Variants in ZNF462 observed in about 807,000 individuals in gnomAD.
ZNF462 encodes the protein zinc finger protein 462.
In ZNF462, 10 loss-of-function variants were observed where a neutral mutation model predicts 201.9. That is an observed-to-expected ratio of 0.05 (90% confidence interval 0.03 to 0.08). The LOEUF is 0.08. Ranked by LOEUF, ZNF462 falls within the 10% of genes least tolerant of loss-of-function variation. The pLI is 1.00. For missense variants in ZNF462, 2,523 were observed against 3,168.3 expected (o/e 0.80, Z 4.89); for synonymous variants, 1,227 against 1,193.3 (o/e 1.03, Z -0.58).
intron 7 of ZNF462, among the ~76,000 whole-genome samples, chr9:106,960,938 T>C (rs1327014456): frequency 6.6e-6 from 1 of 152,130 alleles, no homozygotes; most frequent in Non-Finnish European, 1.5e-5. Flanking sequence ...ATAGTCTGTA[T>C]GCTACATATC....
rs867276221 is a variant in ZNF462 at position 106,876,915 on chromosome 9, G to A, written c.-31+13560G>A. On this transcript the variant is annotated intron_variant, in intron 1 of 12. Coordinates refer to ENST00000277225, the MANE Select transcript of ZNF462 (RefSeq NM_021224.6). The surrounding 1 kb of genome is among the most constrained non-coding windows in gnomAD (Gnocchi z 4.9). Reference sequence around the variant, plus strand: ...ATACATATCTCTTAGCCAGTTTGAGGACTGCCCCATAGCCTGGCTTAGAAA... The same window carrying A: ...ATACATATCTCTTAGCCAGTTTGAGAACTGCCCCATAGCCTGGCTTAGAAA... 9.2e-5 allele frequency among the ~76,000 whole-genome samples: 14 copies of A among 152,146 alleles called. No homozygotes were observed. Among genetic ancestry groups the A allele is most frequent in the African/African-American group, 3.1e-4 (13 of 41,410 alleles).
In ZNF462 at chr9:106,872,551, C is replaced by T. The variant is rs1249860522; in HGVS notation, c.-31+9196C>T. Among the ~76,000 whole-genome samples, 4 of 151,942 alleles carry T rather than the reference C, an allele frequency of 2.6e-5. No individual in the cohort carries two copies. The highest frequency in any genetic ancestry group is 1.3e-4 in the Admixed American group (2 of 15,240). The stretch of plus-strand genomic sequence containing the variant: ...CTAATTTCTTGTATTTTAGTAGAGA[C>T]GGGGTTTCACTGTGTTGTCCAGGCT... On this transcript the variant is annotated intron_variant, in intron 1 of 12. Coordinates refer to ENST00000277225, the MANE Select transcript of ZNF462 (RefSeq NM_021224.6). The surrounding 1 kb of genome is among the most constrained non-coding windows in gnomAD (Gnocchi z 4.5).
Position 106,972,609 on chromosome 9 carries a change from G to GA in ZNF462, c.6695+345dup, listed in dbSNP as rs897621167. Among the ~76,000 whole-genome samples, 15 of 151,484 alleles carry GA rather than the reference G, an allele frequency of 9.9e-5. No homozygotes were observed. The highest frequency in any genetic ancestry group is 2.9e-4 in the African/African-American group (12 of 41,196). On this transcript the variant is annotated intron_variant, in intron 8 of 12. Transcript: ENST00000277225. This position sits in a 1 kb window ranked among gnomAD's most constrained non-coding sequence, Gnocchi z 4.8. ...GTCTCCTCTCCTTTTTTTAGCTTTG[G>GA]AAAAAAAAGTATGTTCTTGGAAGCA...
intron 7 of ZNF462, among the ~76,000 whole-genome samples, chr9:106,961,909 A>T (rs1010655104): frequency 7.2e-5 from 11 of 152,056 alleles, no homozygotes. Flanking sequence ...GCAAGAATAT[A>T]CAACAATGCA....
rs934481900 is a variant in ZNF462 at position 106,979,559 on chromosome 9, G to C, written c.6833-4627G>C. 7.3e-5 allele frequency: 11 copies of C among 151,490 alleles called. 1 individual carries two copies. The highest frequency in any genetic ancestry group is 2.7e-4 in the African/African-American group (11 of 40,810). 9.4% of individuals were successfully genotyped at this position (151,490 alleles called of 1,614,324 possible). A position where few individuals can be genotyped will look rare whatever the true frequency, so the allele number is the denominator to read the frequency against. ...GGCCTTTTTTTCTTTTGACATCTTGGGCAGCTGGAGGAGAAAGCTCTAGCA... is the reference window on the plus strand; with the variant it reads ...GGCCTTTTTTTCTTTTGACATCTTGCGCAGCTGGAGGAGAAAGCTCTAGCA... On this transcript the variant is annotated intron_variant, in intron 9 of 12. Transcript: ENST00000277225.
At chr9:106,898,150 G>A (rs1430169110) in intron 1 of ZNF462, among the ~76,000 whole-genome samples, 1 of 152,158 alleles carries the variant, frequency 6.6e-6, no homozygotes, top group African/African-American at 2.4e-5. Flanking sequence ...ATAACATTTG[G>A]AGGAAGAACT....
At position 106,869,924 on chromosome 9, in the gene ZNF462, T is replaced by C. The variant is rs570657116; in HGVS notation, c.-31+6569T>C. 1.3e-4 allele frequency among the ~76,000 whole-genome samples: 20 copies of C among 152,266 alleles called. No homozygotes were observed. In the East Asian group the frequency reaches 2.3e-3, roughly 18 times the overall value. On this transcript the variant is annotated intron_variant, in intron 1 of 12. Transcript: ENST00000277225. Reference sequence around the variant, plus strand: ...AGGAAGCTCTTTTGGATTTTTTTTTTCCCCTTGAACTTTGCATTTGGAGAA... The same window carrying C: ...AGGAAGCTCTTTTGGATTTTTTTTTCCCCCTTGAACTTTGCATTTGGAGAA...
rs975604307 is a variant in ZNF462, at chr9:107,006,176, C to T, written c.7189+2750C>T. On this transcript the variant is annotated intron_variant, in intron 11 of 12. Coordinates refer to ENST00000277225, the MANE Select transcript of ZNF462 (RefSeq NM_021224.6). The surrounding 1 kb of genome is among the most constrained non-coding windows in gnomAD (Gnocchi z 4.3). ...TTCTTTGGCTATCCAGGGTGTGGTTCCATGGGTTGTTGTAAAGATTAAATG... is the reference window on the plus strand; with the variant it reads ...TTCTTTGGCTATCCAGGGTGTGGTTTCATGGGTTGTTGTAAAGATTAAATG... 1.3e-5 allele frequency among the ~76,000 whole-genome samples: 2 copies of T among 152,084 alleles called. No homozygotes were observed. Among genetic ancestry groups the T allele is most frequent in the Non-Finnish European group, 2.9e-5 (2 of 68,014 alleles).
At chr9:106,893,882 C>T (rs774195685) in intron 1 of ZNF462, among the ~76,000 whole-genome samples, 6 of 152,150 alleles carry the variant, frequency 3.9e-5, no homozygotes, top group African/African-American at 4.8e-5. Flanking sequence ...AGGTCAGTTG[C>T]GCTCTATGCA....
chr9:106,968,151 C>T lies in ZNF462; in HGVS notation c.6428-3854C>T, dbSNP rs569355680. 6.6e-6 allele frequency among the ~76,000 whole-genome samples: 1 copy of T among 152,298 alleles called. No individual in the cohort carries two copies. The highest frequency in any genetic ancestry group is 1.5e-5 in the Non-Finnish European group (1 of 68,028). ...AGATGCCTAAGACACAAGACTCAGA[C>T]TTTATAATCAGACAGGTCTTTGTTC... On this transcript the variant is annotated intron_variant, in intron 7 of 12. Transcript: ENST00000277225. The surrounding 1 kb of genome is among the most constrained non-coding windows in gnomAD (Gnocchi z 4.0).
In ZNF462 at chr9:106,930,444, T is replaced by C. The variant is rs920654341; in HGVS notation, c.5848-81T>C. Reference sequence around the variant, plus strand: ...CCTGCTAATCGGCTTTAAAATAAAGTATGTTAGTAAACTGCAAGAATAAAT... The same window carrying C: ...CCTGCTAATCGGCTTTAAAATAAAGCATGTTAGTAAACTGCAAGAATAAAT... On this transcript the variant is annotated intron_variant, in intron 3 of 12. Transcript: ENST00000277225. This position sits in a 1 kb window ranked among gnomAD's most constrained non-coding sequence, Gnocchi z 5.8. The C allele has an allele frequency of 5.8e-6, 9 of 1,548,362 alleles. No homozygotes were observed. The highest frequency in any genetic ancestry group is 3.5e-4 in the Middle Eastern group (2 of 5,796).
At chr9:106,964,905 A>G (rs1216335451) in intron 7 of ZNF462, among the ~76,000 whole-genome samples, 2 of 152,084 alleles carry the variant, frequency 1.3e-5, no homozygotes, top group Non-Finnish European at 2.9e-5. Flanking sequence ...CTGCTAAAGG[A>G]TGGTGTACAG....
chr9:107,003,205 G>C lies in ZNF462; in HGVS notation c.7057-89G>C, dbSNP rs1265069082. ...CCTGGTTGCAAAACCACAGTCACAGGAAAATGATGTTAGAAAGATCTCTCC... is the reference window on the plus strand; with the variant it reads ...CCTGGTTGCAAAACCACAGTCACAGCAAAATGATGTTAGAAAGATCTCTCC... On this transcript the variant is annotated intron_variant, in intron 10 of 12. Coordinates refer to ENST00000277225, the MANE Select transcript of ZNF462 (RefSeq NM_021224.6). The surrounding 1 kb of genome is among the most constrained non-coding windows in gnomAD (Gnocchi z 4.4). The C allele has an allele frequency of 6.5e-7, 1 of 1,539,120 alleles. No homozygotes were observed. Among genetic ancestry groups the C allele is most frequent in the African/African-American group, 1.4e-5 (1 of 72,074 alleles).
intron 10 of ZNF462, among the ~76,000 whole-genome samples, chr9:106,986,992 G>T (rs923794019): frequency 7.1e-6 from 1 of 140,206 alleles, no homozygotes. Context: ...TAGATAGATA[G>T]ATAGATAGAT....
rs1055149091 is a variant in ZNF462, at chr9:106,930,443, G to A, written c.5848-82G>A. On this transcript the variant is annotated intron_variant, in intron 3 of 12. Transcript: ENST00000277225. This position sits in a 1 kb window ranked among gnomAD's most constrained non-coding sequence, Gnocchi z 5.8. ...ACCTGCTAATCGGCTTTAAAATAAA[G>A]TATGTTAGTAAACTGCAAGAATAAA... is the stretch of plus-strand genomic sequence containing the variant. 27 of 1,547,064 alleles carry A rather than the reference G, an allele frequency of 1.7e-5. No individual in the cohort carries two copies. The highest frequency in any genetic ancestry group is 1.9e-5 in the Non-Finnish European group (22 of 1,137,164).
intron 10 of ZNF462, among the ~76,000 whole-genome samples, chr9:106,997,810 C>T (rs566485003): frequency 6.6e-6 from 1 of 152,204 alleles, no homozygotes; most frequent in South Asian, 2.1e-4. Context: ...AGTCCACCTC[C>T]TTTTTTATAT....
intron 7 of ZNF462, among the ~76,000 whole-genome samples, chr9:106,942,890 C>G (rs1470310959): frequency 6.6e-6 from 1 of 152,182 alleles, no homozygotes; most frequent in Non-Finnish European, 1.5e-5. Flanking sequence ...CCTCTAGTTT[C>G]TCCCGGGGAC....
chr9:106,894,786 C>G (rs1828741471), intron 1 of ZNF462, among the ~76,000 whole-genome samples: 1 of 151,708 alleles, frequency 6.6e-6, no homozygotes, highest in East Asian at 1.9e-4. Context: ...AATTTTGAAG[C>G]TTATTAGAAA....
intron 8 of ZNF462, among the ~76,000 whole-genome samples, chr9:106,973,536 C>G (rs1005945273): frequency 2.0e-5 from 3 of 152,184 alleles, no homozygotes; most frequent in African/African-American, 7.2e-5. Flanking sequence ...GAAAGGGTCC[C>G]TGCCCATTAA....
Sources: allele counts gnomAD v4.1 joint callset (sites outside exome capture counted in the v4.1 genomes callset), GRCh38; gene constraint gnomAD v4.1.1; non-coding constraint Gnocchi (gnomAD v3.1); transcripts MANE v1.5; gene names NCBI Gene and HGNC (gene_info 2026-07-23, HGNC 2026-07-21).